SPEN: variants seen among roughly 807,000 people sequenced by gnomAD.
The protein encoded by SPEN is spen family transcriptional repressor, also known as msx2-interacting protein.
SPEN carries 18 observed loss-of-function variants against 269.9 expected under a neutral mutation model. The ratio of observed to expected loss-of-function variants is 0.07; its 90% CI spans 0.05 to 0.10. SPEN has a LOEUF of 0.10. Among genes scored for constraint, SPEN ranks in the 10% least tolerant of loss-of-function variants. The pLI, the probability that SPEN is intolerant of heterozygous loss-of-function variation, is 1.00. For synonymous variants in SPEN, 1,726 were observed against 1,765.7 expected, an observed-to-expected ratio of 0.98 and a Z score of 0.56; for missense variants, 3,822 against 4,631.2, an observed-to-expected ratio of 0.83 and a Z score of 5.07.
At chr1:15,905,305 T>A (rs1318638372) in intron 3 of SPEN, among the ~76,000 whole-genome samples, 1 of 151,990 alleles carries the variant, frequency 6.6e-6, no homozygotes, top group Non-Finnish European at 1.5e-5. Flanking sequence ...CACTGCAACC[T>A]CCGCCTCCCG....
At chr1:15,915,819 A>G (rs894247534) in intron 5 of SPEN, among the ~76,000 whole-genome samples, 2 of 152,190 alleles carry the variant, frequency 1.3e-5, no homozygotes, top group African/African-American at 4.8e-5. Context: ...AATTACAGGC[A>G]TGAGCCACCC....
In SPEN at chr1:15,848,096, TG is replaced by T; in HGVS notation, c.32del (p.Gly11AlafsTer87). The T allele has an allele frequency of 6.7e-7, 1 of 1,486,078 alleles. No homozygotes were observed. Among genetic ancestry groups the T allele is most frequent in the Non-Finnish European group, 9.0e-7 (1 of 1,108,786 alleles). The allele number at this position is 1,486,078 out of a possible 1,614,324, so 92.1% of individuals were successfully genotyped here. MVRETRHLW[V>X]GNLPENVREE... ...GTCCGGGAAACCAGGCATCTCTGGGTGGGCAACTTACCCGAGAACGTGCGGG... is the reference window on the plus strand; with the variant it reads ...GTCCGGGAAACCAGGCATCTCTGGGTGGCAACTTACCCGAGAACGTGCGGG... On this transcript the variant is annotated frameshift_variant, in exon 1 of 15. Transcript: ENST00000375759. LOFTEE classifies it high-confidence loss of function. The surrounding 1 kb of genome is among the most constrained non-coding windows in gnomAD (Gnocchi z 5.1).
Position 15,929,388 on chromosome 1 carries a change from A to G in SPEN, c.3148A>G (p.Lys1050Glu), listed in dbSNP as rs2148738595. 1.2e-6 allele frequency: 2 copies of G among 1,612,918 alleles called. No homozygotes were observed. Among genetic ancestry groups the G allele is most frequent in the East Asian group, 2.2e-5 (1 of 44,886 alleles). ...GAAAGAAATTCTTAAAAGAGAATCTAAAAAAATCAAACTGGACAGACTTAA... is the reference window on the plus strand; with the variant it reads ...GAAAGAAATTCTTAAAAGAGAATCTGAAAAAATCAAACTGGACAGACTTAA... The part of the protein sequence containing the change: ...VRKEILKRES[K>E]KIKLDRLNTV... The change falls in exon 11 of 15, where the codon AAA becomes GAA. Residue 1050 changes from lysine (K) to glutamate (E), a missense_variant. Physicochemically the swap from Lys to Glu is moderately conservative, Grantham distance 56. This residue lies in a region of SPEN where 572 missense variants were observed against 582.6 expected (regional missense o/e 0.98). Transcript: ENST00000375759. The surrounding 1 kb of genome is among the most constrained non-coding windows in gnomAD (Gnocchi z 5.8).
rs767567782 is a variant in SPEN, at chr1:15,918,971, C to T, written c.1441C>T (p.Leu481=). ...AAATGGAGTTCCTCAGTATGCGTTT[C>T]TGCAATACTGTGATATTGCTAGCGT... ...KVNGVPQYAF[L]QYCDIASVCK... The change falls in exon 7 of 15, where the codon CTG becomes TTG. Residue 481 remains leucine (L), a synonymous_variant. Transcript: ENST00000375759. The T allele has an allele frequency of 6.2e-7, 1 of 1,607,848 alleles. No individual in the cohort carries two copies. Among genetic ancestry groups the T allele is most frequent in the Non-Finnish European group, 8.5e-7 (1 of 1,175,438 alleles).
intron 5 of SPEN, among the ~76,000 whole-genome samples, chr1:15,913,902 A>G (rs781146147): frequency 6.6e-6 from 1 of 152,112 alleles, no homozygotes; most frequent in Non-Finnish European, 1.5e-5. Context: ...CAGGCAGGCC[A>G]TTTGGTGGGA....
chr1:15,873,309 G>A lies in SPEN; in HGVS notation c.404+173G>A, dbSNP rs573715438. The stretch of plus-strand genomic sequence containing the variant: ...CCAATGGCTGGTATCTTATGGAATC[G>A]TAGAGGATATTTCCTGCAGCTGATT... On this transcript the variant is annotated intron_variant, in intron 2 of 14. Coordinates refer to ENST00000375759, the MANE Select transcript of SPEN (RefSeq NM_015001.3). 17 of 985,378 alleles carry A rather than the reference G, an allele frequency of 1.7e-5. No homozygotes were observed. The South Asian group carries it at 3.3e-4, about 19-fold the overall frequency. 61.0% of individuals were successfully genotyped at this position (985,378 alleles called of 1,614,324 possible). A position where few individuals can be genotyped will look rare whatever the true frequency, so the allele number is the denominator to read the frequency against.
intron 1 of SPEN, among the ~76,000 whole-genome samples, chr1:15,851,113 T>C (rs1286680147): frequency 6.6e-6 from 1 of 152,182 alleles, no homozygotes; most frequent in Non-Finnish European, 1.5e-5. Context: ...TCTTTAAAAA[T>C]TTTTATATTT....
At chr1:15,906,453 CTTTTTTTTTTTTT>C (rs200731520) in intron 3 of SPEN, among the ~76,000 whole-genome samples, 8 of 92,580 alleles carry the variant, frequency 8.6e-5, no homozygotes, top group South Asian at 3.8e-4. Context: ...TCTTTCTTTC[CTTTTTTTTTTTTT>C]TTTTTTTTTT....
At chr1:15,897,653 C>T (rs183454551) in intron 3 of SPEN, among the ~76,000 whole-genome samples, 221 of 152,168 alleles carry the variant, frequency 1.5e-3, no homozygotes, top group South Asian at 3.7e-3. Context: ...TGGGCCACCA[C>T]GCCTGGCCTA....
intron 1 of SPEN, among the ~76,000 whole-genome samples, chr1:15,872,261 G>C (rs1299794642): frequency 4.0e-5 from 6 of 150,050 alleles, no homozygotes; most frequent in African/African-American, 7.4e-5. Context: ...TTCAGCTAAG[G>C]GTTCTAGAAA....
At chr1:15,907,344 T>C (rs1245067056) in intron 3 of SPEN, among the ~76,000 whole-genome samples, 1 of 151,982 alleles carries the variant, frequency 6.6e-6, no homozygotes, top group Non-Finnish European at 1.5e-5. Flanking sequence ...TAGCTGGGCA[T>C]GGTGGTGCGT....
At chr1:15,891,464 G>A (rs1455918809) in intron 3 of SPEN, among the ~76,000 whole-genome samples, 1 of 150,744 alleles carries the variant, frequency 6.6e-6, no homozygotes, top group Non-Finnish European at 1.5e-5. Context: ...CCATTCTCCT[G>A]CCTCAGCCTC....
rs764911348 is a variant in SPEN, at chr1:15,933,987, G to C, written c.7747G>C (p.Glu2583Gln). The change falls in exon 11 of 15, where the codon GAA becomes CAA. Residue 2583 changes from glutamate to glutamine, a missense_variant. This residue lies in a region of SPEN where 727 missense variants were observed against 737.9 expected (regional missense o/e 0.99). Coordinates refer to ENST00000375759, the MANE Select transcript of SPEN (RefSeq NM_015001.3). This position sits in a 1 kb window ranked among gnomAD's most constrained non-coding sequence, Gnocchi z 5.7. ...PPPVDSKKPL[E>Q]EKTAPPVTNN... ...GCCAGTTGACTCTAAAAAGCCTTTA[G>C]AAGAAAAAACAGCACCTCCAGTGAC... 8.7e-6 allele frequency: 14 copies of C among 1,613,748 alleles called. No individual in the cohort carries two copies. In the East Asian group the frequency reaches 1.3e-4, roughly 15 times the overall value.
chr1:15,913,134 G>A (rs1039129203), intron 5 of SPEN, among the ~76,000 whole-genome samples: 4 of 152,166 alleles, frequency 2.6e-5, no homozygotes, highest in Non-Finnish European at 5.9e-5. Context: ...CTCTCAGATG[G>A]TTAAATCATT....
intron 1 of SPEN, among the ~76,000 whole-genome samples, chr1:15,855,260 A>G (rs566291430): frequency 2.6e-5 from 4 of 152,254 alleles, no homozygotes; most frequent in Non-Finnish European, 5.9e-5. Context: ...AACATTGCCA[A>G]ATGATATGAA....
intron 3 of SPEN, among the ~76,000 whole-genome samples, chr1:15,901,928 G>GT (rs35730805): frequency 0.016 from 1,641 of 100,256 alleles, 51 homozygotes; most frequent in African/African-American, 0.036. Context: ...TATTTATTTA[G>GT]TTTTTTTTTT....
chr1:15,915,556 G>A (rs1246964067), intron 5 of SPEN, among the ~76,000 whole-genome samples: 1 of 152,082 alleles, frequency 6.6e-6, no homozygotes, highest in Non-Finnish European at 1.5e-5. Context: ...TTTTGAGACA[G>A]GTTCTCTCAC....
intron 3 of SPEN, among the ~76,000 whole-genome samples, chr1:15,889,164 C>CTTTTT (rs56721891): frequency 4.0e-5 from 5 of 124,896 alleles, no homozygotes; most frequent in African/African-American, 6.3e-5. Context: ...CTTTTCTTTT[C>CTTTTT]TTTTTTTTTT....
Position 15,931,895 on chromosome 1 carries a change from A to G in SPEN, c.5655A>G (p.Ala1885=), listed in dbSNP as rs1489937945. ...ITRTASKNSA[A]DLEHPEPSLP... is the part of the protein sequence containing the mutation. ...GGACTGCTTCTAAAAACTCTGCTGC[A>G]GACCTTGAACATCCCGAACCAAGTT... is the stretch of plus-strand genomic sequence containing the variant. The change falls in exon 11 of 15, where the codon GCA becomes GCG. Residue 1885 remains alanine (A), a synonymous_variant. Transcript: ENST00000375759. The surrounding 1 kb of genome is among the most constrained non-coding windows in gnomAD (Gnocchi z 4.8). The G allele has an allele frequency of 6.2e-7, 1 of 1,614,274 alleles. No individual in the cohort carries two copies. Among genetic ancestry groups the G allele is most frequent in the Non-Finnish European group, 8.5e-7 (1 of 1,180,054 alleles).
Sources: gnomAD v4.1 joint callset for allele counts (sites outside exome capture counted in the v4.1 genomes callset) on GRCh38, gnomAD v4.1.1 for gene constraint, gnomAD v4.1.1 regional missense constraint, Gnocchi (gnomAD v3.1) non-coding constraint, MANE v1.5 for transcripts, NCBI Gene and HGNC (gene_info 2026-07-23, HGNC 2026-07-21) for gene names.